Variants in TRIM2 observed in about 807,000 individuals in gnomAD.
TRIM2 encodes the protein tripartite motif-containing protein 2.
A neutral mutation model predicts 75.2 loss-of-function variants in TRIM2; 20 were observed. That is an observed-to-expected ratio of 0.27 (90% confidence interval 0.19 to 0.39). TRIM2 has a LOEUF of 0.39. TRIM2 is among the 10% of genes least tolerant of loss of function. The pLI is 1.00. For missense variants in TRIM2, 660 were observed against 990.8 expected, an observed-to-expected ratio of 0.67 and a Z score of 4.48; for synonymous variants, 373 against 388.3, an observed-to-expected ratio of 0.96 and a Z score of 0.46.
rs188996003 is a variant in TRIM2 at position 153,250,229 on chromosome 4, C to T, written c.31-20106C>T. ...CAGCTTCTTGGGTTCAAGTGATTCT[C>T]CTGCCTCAGCCTCCCAAGTAGCTGG... On this transcript the variant is annotated intron_variant, in intron 1 of 11. Coordinates refer to ENST00000338700, the MANE Select transcript of TRIM2 (RefSeq NM_015271.5). 3.1e-3 allele frequency among the ~76,000 whole-genome samples: 469 copies of T among 152,266 alleles called. 5 individuals are homozygous for T. The highest frequency in any genetic ancestry group is 0.011 in the African/African-American group (441 of 41,548).
At chr4:153,226,010 A>G (rs1403929137) in intron 1 of TRIM2, among the ~76,000 whole-genome samples, 1 of 152,164 alleles carries the variant, frequency 6.6e-6, no homozygotes, top group Non-Finnish European at 1.5e-5. Context: ...AGCTGGGACT[A>G]CAGGCATGTG....
At chr4:153,162,959 G>A (rs942078623) in intron 1 of TRIM2, among the ~76,000 whole-genome samples, 2 of 152,270 alleles carry the variant, frequency 1.3e-5, no homozygotes, top group East Asian at 1.9e-4. Context: ...AGGGTGAAAA[G>A]GGTGTCTTTC....
intron 1 of TRIM2, among the ~76,000 whole-genome samples, chr4:153,205,395 C>T (rs1735116493): frequency 6.6e-6 from 1 of 152,158 alleles, no homozygotes; most frequent in South Asian, 2.1e-4. Context: ...CCTGTCGTAG[C>T]TCACGGGGTG....
At chr4:153,306,263 A>G (rs1764977111) in intron 6 of TRIM2, among the ~76,000 whole-genome samples, 3 of 152,230 alleles carry the variant, frequency 2.0e-5, no homozygotes, top group South Asian at 4.1e-4. Context: ...ATATTAATGT[A>G]TACCACATAT....
intron 5 of TRIM2, 22 bp downstream of exon 5, chr4:153,294,507 A>G: frequency 6.2e-7 from 1 of 1,608,236 alleles, no homozygotes. Context: ...ATCATTACAG[A>G]TGTCCTGGAA....
intron 1 of TRIM2, among the ~76,000 whole-genome samples, chr4:153,174,888 T>C (rs1464155736): frequency 6.6e-6 from 1 of 152,236 alleles, no homozygotes; most frequent in Non-Finnish European, 1.5e-5. Flanking sequence ...TGCCACTGTA[T>C]GTGAACAGAA....
intron 1 of TRIM2, among the ~76,000 whole-genome samples, chr4:153,160,616 C>T (rs958561538): frequency 6.6e-6 from 1 of 152,002 alleles, no homozygotes; most frequent in Non-Finnish European, 1.5e-5. Flanking sequence ...TGTTTGGAGA[C>T]AAGGTTCCCA....
chr4:153,222,054 GAGGA>G lies in TRIM2; in HGVS notation c.30+17508_30+17511del, dbSNP rs1560836487. 6.6e-4 allele frequency among the ~76,000 whole-genome samples: 78 copies of G among 118,466 alleles called. 1 individual carries two copies. Among genetic ancestry groups the G allele is most frequent in the Middle Eastern group, 4.9e-3 (1 of 206 alleles). 77.7% of individuals were successfully genotyped at this position (118,466 alleles called of 152,430 possible). A position where few individuals can be genotyped will look rare whatever the true frequency, so the allele number is the denominator to read the frequency against. On this transcript the variant is annotated intron_variant, in intron 1 of 11. Transcript: ENST00000338700. ...GGAAGGAAAGAGCGAGGAAGGGAGG[GAGGA>G]AGGAAGGAAGGAAAGAAAGAGAGAG...
At chr4:153,217,488 A>G (rs1010506252) in intron 1 of TRIM2, among the ~76,000 whole-genome samples, 3 of 152,232 alleles carry the variant, frequency 2.0e-5, no homozygotes. Flanking sequence ...GAGTCAGTGC[A>G]AGAATTGCTG....
Position 153,294,344 on chromosome 4 carries a change from A to T in TRIM2, c.645A>T (p.Glu215Asp). 6.2e-7 allele frequency: 1 copy of T among 1,614,184 alleles called. No individual in the cohort carries two copies. The highest frequency in any genetic ancestry group is 1.3e-5 in the African/African-American group (1 of 75,040). Residue 215 changes from glutamate to aspartate, a missense_variant, in exon 5 of 12, where the codon GAA (glutamate) becomes GAT (aspartate). Physicochemically the swap from Glu to Asp is conservative, Grantham distance 45. Around this residue, in one of 2 missense-constraint regions of TRIM2, gnomAD observed 620 missense variants for 891.0 expected, o/e 0.70. Transcript: ENST00000338700. ...ATTCTGCTCTTCAGTTCATCTCTGA[A>T]ATCATTCATCAGTTAACCAACCAAA... Reference protein sequence around the residue: ...EIDSALQFISEIIHQLTNQKA... With the variant: ...EIDSALQFISDIIHQLTNQKA...
intron 4 of TRIM2, 105 bp downstream of exon 4, chr4:153,293,238 ATCAGGCTT>A: frequency 1.7e-6 from 2 of 1,205,378 alleles, no homozygotes; most frequent in Non-Finnish European, 2.3e-6. Flanking sequence ...CCCTTGAGAT[ATCAGGCTT>A]TGTGGGTAAA....
intron 1 of TRIM2, among the ~76,000 whole-genome samples, chr4:153,259,799 G>T (rs1221282763): frequency 2.0e-5 from 3 of 152,154 alleles, no homozygotes; most frequent in Non-Finnish European, 4.4e-5. Flanking sequence ...TAACGGATTA[G>T]ATTTCCTCAT....
intron 11 of TRIM2, 24 bp downstream of exon 11, chr4:153,328,694 T>C (rs1770776802): frequency 3.9e-6 from 6 of 1,550,368 alleles, no homozygotes; most frequent in Non-Finnish European, 5.2e-6. Context: ...CTAATGTATA[T>C]GGTTAGAGTG....
chr4:153,265,334 T>G (rs558736815), intron 1 of TRIM2, among the ~76,000 whole-genome samples: 1 of 142,030 alleles, frequency 7.0e-6, no homozygotes, highest in African/African-American at 2.8e-5. Flanking sequence ...GTTTTGTTTT[T>G]TGTGTTTTTT....
At chr4:153,301,890 G>C (rs1560979198) in intron 6 of TRIM2, among the ~76,000 whole-genome samples, 1 of 152,192 alleles carries the variant, frequency 6.6e-6, no homozygotes, top group Non-Finnish European at 1.5e-5. Context: ...TAGCTTTGAA[G>C]TCAATTTTGA....
intron 1 of TRIM2, among the ~76,000 whole-genome samples, chr4:153,170,123 G>A (rs1160283626): frequency 6.7e-6 from 1 of 148,598 alleles, no homozygotes; most frequent in Non-Finnish European, 1.5e-5. Flanking sequence ...TTTTACTGAA[G>A]AAGAAGGAGA....
intron 1 of TRIM2, among the ~76,000 whole-genome samples, chr4:153,191,495 C>A (rs1054862301): frequency 1.3e-5 from 2 of 152,188 alleles, no homozygotes; most frequent in South Asian, 2.1e-4. Flanking sequence ...TTACTTTAAA[C>A]GTAAAATATT....
At chr4:153,194,342 G>C (rs992663586) in intron 1 of TRIM2, among the ~76,000 whole-genome samples, 5 of 152,148 alleles carry the variant, frequency 3.3e-5, no homozygotes, top group African/African-American at 1.2e-4. Context: ...TAGAAATAAA[G>C]AGAATGAACA....
At chr4:153,299,392 A>G (rs1414946359) in intron 6 of TRIM2, among the ~76,000 whole-genome samples, 1 of 152,108 alleles carries the variant, frequency 6.6e-6, no homozygotes, top group Non-Finnish European at 1.5e-5. Context: ...GACTGTGTAT[A>G]TATATACCAC....
Sources: gnomAD v4.1 joint callset for allele counts (sites outside exome capture counted in the v4.1 genomes callset) on GRCh38, gnomAD v4.1.1 for gene constraint, gnomAD v4.1.1 regional missense constraint, MANE v1.5 for transcripts, NCBI Gene and HGNC (gene_info 2026-07-23, HGNC 2026-07-21) for gene names.